HEXB: variants seen among roughly 807,000 people sequenced by gnomAD.
HEXB encodes the protein beta-hexosaminidase subunit beta.
HEXB carries 51 observed loss-of-function variants against 71.2 expected under a neutral mutation model. The ratio of observed to expected loss-of-function variants is 0.72; its 90% CI spans 0.57 to 0.90. HEXB has a LOEUF of 0.90. HEXB is among the 40% of genes least tolerant of loss of function. The pLI is 0.00. For synonymous variants in HEXB, 266 were observed against 249.3 expected, an observed-to-expected ratio of 1.07 and a Z score of -0.63; for missense variants, 617 against 677.0, an observed-to-expected ratio of 0.91 and a Z score of 0.98.
At chr5:74,656,272 A>G (rs934907096) in intron 1 of HEXB, among the ~76,000 whole-genome samples, 3 of 152,102 alleles carry the variant, frequency 2.0e-5, no homozygotes, top group Admixed American at 1.3e-4. Context: ...TGAGGTCAGC[A>G]GTTCGAGACC....
chr5:74,688,636 G>A (rs566233773), intron 1 of HEXB, among the ~76,000 whole-genome samples: 1 of 152,264 alleles, frequency 6.6e-6, no homozygotes, highest in African/African-American at 2.4e-5. Context: ...AGCCACTGCA[G>A]CTGGCCAACA....
chr5:74,694,428 C>T (rs1749066017), intron 3 of HEXB, among the ~76,000 whole-genome samples: 1 of 152,090 alleles, frequency 6.6e-6, no homozygotes, highest in Non-Finnish European at 1.5e-5. Context: ...GTATAAGGAA[C>T]AGTGTCAAAA....
intron 2 of HEXB, among the ~76,000 whole-genome samples, chr5:74,691,393 T>G (rs1749000635): frequency 6.6e-6 from 1 of 152,188 alleles, no homozygotes; most frequent in Admixed American, 6.5e-5. Context: ...GCCTGTAATG[T>G]GAAGAACTGT....
At chr5:74,683,326 CAG>C (rs1748773963), upstream of HEXB, among the ~76,000 whole-genome samples, 1 of 151,344 alleles carries the variant, frequency 6.6e-6, no homozygotes, top group South Asian at 2.1e-4. Context: ...CTTTCTGAGA[CAG>C]AGTCTTACTC....
chr5:74,681,182 T>A (rs148275294), upstream of HEXB, among the ~76,000 whole-genome samples: 1,192 of 152,332 alleles, frequency 7.8e-3, 4 homozygotes, highest in Non-Finnish European at 0.011. Context: ...GGCACCTTGT[T>A]GTTGGTGAAT....
intron 1 of HEXB, among the ~76,000 whole-genome samples, chr5:74,673,571 G>A: frequency 6.6e-6 from 1 of 152,106 alleles, no homozygotes; most frequent in South Asian, 2.1e-4. Flanking sequence ...GTGTCCTCCG[G>A]TAGAACAGAG....
chr5:74,710,720 C>G (rs999628425), intron 6 of HEXB, among the ~76,000 whole-genome samples: 5 of 151,548 alleles, frequency 3.3e-5, no homozygotes, highest in African/African-American at 1.2e-4. Flanking sequence ...AGGAATCCAA[C>G]TTACAAGGGA....
At chr5:74,720,396 C>G in intron 11 of HEXB, 32 bp from the exon 12 acceptor site, 1 of 1,437,352 alleles carries the variant, frequency 7.0e-7, no homozygotes, top group Non-Finnish European at 9.8e-7. Context: ...AAGCTTTGAA[C>G]TTCTGAACTT....
At chr5:74,686,804 A>C (rs1748884473) in intron 1 of HEXB, among the ~76,000 whole-genome samples, 1 of 152,232 alleles carries the variant, frequency 6.6e-6, no homozygotes, top group Non-Finnish European at 1.5e-5. Flanking sequence ...TTGCATGGAA[A>C]GTACATGAAG....
upstream of HEXB, among the ~76,000 whole-genome samples, chr5:74,682,024 CTG>C (rs1255589059): frequency 2.0e-5 from 3 of 152,246 alleles, no homozygotes; most frequent in Non-Finnish European, 4.4e-5. Context: ...CAGCAAGAAA[CTG>C]AGATCTGTTG....
intron 6 of HEXB, among the ~76,000 whole-genome samples, chr5:74,706,806 G>A (rs1220153710): frequency 6.6e-6 from 1 of 152,180 alleles, no homozygotes; most frequent in Non-Finnish European, 1.5e-5. Context: ...GCTCCACCTG[G>A]GTGGAGCCCA....
chr5:74,698,108 G>A (rs148900920), intron 5 of HEXB, among the ~76,000 whole-genome samples: 12,785 of 151,310 alleles, frequency 0.084, 1,261 homozygotes, highest in African/African-American at 0.22. Flanking sequence ...ACGGAGTTTC[G>A]CTCTTGTTGC....
intron 1 of HEXB, among the ~76,000 whole-genome samples, chr5:74,660,441 C>T (rs1014414945): frequency 1.3e-5 from 2 of 152,218 alleles, no homozygotes; most frequent in African/African-American, 4.8e-5. Flanking sequence ...GATGCCACCT[C>T]TCTCCCTCTT....
rs1749843514 is a variant in HEXB at position 74,721,102 on chromosome 5, TTCATGTTA to T, written c.1614-13_1614-6del. 6.3e-7 allele frequency: 1 copy of T among 1,583,456 alleles called. No homozygotes were observed. Among genetic ancestry groups the T allele is most frequent in the South Asian group, 1.1e-5 (1 of 90,498 alleles). ...TCTAAATCAATCTAAAATATCTTTA[TTCATGTTA>T]TCTACAGACGTGGAATAGCTGCACA... On this transcript the variant is annotated splice_polypyrimidine_tract_variant and splice_region_variant and intron_variant, in intron 13 of 13. Transcript: ENST00000261416.
chr5:74,664,098 A>G (rs1748386052), intron 1 of HEXB, among the ~76,000 whole-genome samples: 1 of 150,634 alleles, frequency 6.6e-6, no homozygotes, highest in African/African-American at 2.5e-5. Context: ...TCTACTAAAT[A>G]AAAAAAAATT....
chr5:74,703,187 A>G (rs555554565), intron 5 of HEXB, among the ~76,000 whole-genome samples: 1 of 152,236 alleles, frequency 6.6e-6, no homozygotes, highest in Non-Finnish European at 1.5e-5. Context: ...TCCTAGCCTC[A>G]GGTGGTCCAC....
chr5:74,662,198 A>G (rs961111836), intron 1 of HEXB, among the ~76,000 whole-genome samples: 6 of 152,076 alleles, frequency 3.9e-5, no homozygotes, highest in South Asian at 2.1e-4. Context: ...GTGCACAGAC[A>G]TGGTAATACT....
intron 13 of HEXB, 143 bp downstream of exon 13, chr5:74,720,890 G>GTAAAGATATA (rs1214556056): frequency 2.5e-6 from 2 of 809,288 alleles, no homozygotes; most frequent in East Asian, 5.3e-5. Flanking sequence ...AATAATACCT[G>GTAAAGATATA]TAAAGATATA....
chr5:74,685,665 C>A, intron 1 of HEXB, 106 bp downstream of exon 1: 1 of 1,022,066 alleles, frequency 9.8e-7, no homozygotes, highest in Non-Finnish European at 1.4e-6. Context: ...GACGAGAAAC[C>A]GCCTGGGAGC....
Sources: gnomAD v4.1 joint callset for allele counts (sites outside exome capture counted in the v4.1 genomes callset) on GRCh38, gnomAD v4.1.1 for gene constraint, MANE v1.5 for transcripts, NCBI Gene and HGNC (gene_info 2026-07-23, HGNC 2026-07-21) for gene names.